The following DDB2 variants were observed in gnomAD, a reference collection of about 807,000 sequenced individuals.
DDB2 encodes the protein damage specific DNA binding protein 2.
A neutral mutation model predicts 50.5 loss-of-function variants in DDB2; 27 were observed. The ratio of observed to expected loss-of-function variants is 0.53; its 90% CI spans 0.39 to 0.74. DDB2 has a LOEUF of 0.74. Among genes scored for constraint, DDB2 ranks in the 30% least tolerant of loss-of-function variants. The pLI, the probability that DDB2 is intolerant of heterozygous loss-of-function variation, is 0.00. For synonymous variants in DDB2, 176 were observed against 205.5 expected (o/e 0.86, Z 1.23); for missense variants, 424 against 545.6 (o/e 0.78, Z 2.22).
Position 47,238,841 on chromosome 11 carries a change from C to G in DDB2, c.1276C>G (p.Arg426Gly). ...CTGGAGCCAGGAGGAAGCCAGGACA[C>G]GGAAGTGAGAGACACTAAAGAAGGT... is the stretch of plus-strand genomic sequence containing the variant. ...LIWSQEEART[R>G]K is the part of the protein sequence containing the mutation. The change falls in exon 10 of 10, where the codon CGG becomes GGG. Residue 426 changes from arginine (R) to glycine (G), a missense_variant. By Grantham distance (125) the Arg-to-Gly change is moderately radical. Coordinates refer to ENST00000256996, the MANE Select transcript of DDB2 (RefSeq NM_000107.3). 1 of 1,613,398 alleles carries G rather than the reference C, an allele frequency of 6.2e-7. No individual in the cohort carries two copies. Among genetic ancestry groups the G allele is most frequent in the Non-Finnish European group, 8.5e-7 (1 of 1,179,876 alleles).
chr11:47,238,858 A>G lies in DDB2; in HGVS notation c.*9A>G, dbSNP rs1387936136. On this transcript the variant is annotated 3_prime_UTR_variant, in exon 10 of 10. Coordinates refer to ENST00000256996, the MANE Select transcript of DDB2 (RefSeq NM_000107.3). ...CCAGGACACGGAAGTGAGAGACACT[A>G]AAGAAGGTGTGGGCCAGACAAGGCC... The G allele has an allele frequency of 6.2e-7, 1 of 1,613,002 alleles. No homozygotes were observed. The highest frequency in any genetic ancestry group is 1.3e-5 in the African/African-American group (1 of 74,808).
At chr11:47,232,790 T>G (rs372523541) in intron 3 of DDB2, 24 bp from the exon 4 acceptor site, 3 of 1,612,776 alleles carry the variant, frequency 1.9e-6, no homozygotes, top group African/African-American at 1.3e-5. Flanking sequence ...CATCACTCAC[T>G]GGCTTTTTCC....
intron 3 of DDB2, among the ~76,000 whole-genome samples, chr11:47,227,099 C>CTTTT (rs34243882): frequency 0.033 from 1,070 of 32,140 alleles, 151 homozygotes; most frequent in Non-Finnish European, 0.038. Flanking sequence ...GGATATTAAC[C>CTTTT]TTTTTTTTTT....
Position 47,215,015 on chromosome 11 carries a change from T to C in DDB2, c.-122T>C. On this transcript the variant is annotated 5_prime_UTR_variant, in exon 1 of 10. An upstream open reading frame in the 5' UTR loses its in-frame stop. Transcript: ENST00000256996. Reference sequence around the variant, plus strand: ...GGGCATGTTTGGCGGGAAGTTGGCTTAGCTCGGCTACCTGTGGCCCCGCAG... The same window carrying C: ...GGGCATGTTTGGCGGGAAGTTGGCTCAGCTCGGCTACCTGTGGCCCCGCAG... The C allele has an allele frequency of 6.8e-7, 1 of 1,479,050 alleles. No homozygotes were observed. 91.6% of individuals were successfully genotyped at this position (1,479,050 alleles called of 1,614,324 possible).
Position 47,215,067 on chromosome 11 carries a change from C to G in DDB2, c.-70C>G. 6.2e-7 allele frequency: 1 copy of G among 1,611,462 alleles called. No individual in the cohort carries two copies. The highest frequency in any genetic ancestry group is 8.5e-7 in the Non-Finnish European group (1 of 1,178,294). ...TTTGTAGTCCCCGCCTTGTTTCTCC[C>G]CAGAGGCCTCTCAATCCTCCCTCCA... On this transcript the variant is annotated 5_prime_UTR_variant, in exon 1 of 10. Transcript: ENST00000256996.
chr11:47,224,799 TC>T (rs1953533915), intron 3 of DDB2, among the ~76,000 whole-genome samples: 1 of 151,936 alleles, frequency 6.6e-6, no homozygotes, highest in Non-Finnish European at 1.5e-5. Flanking sequence ...CTCTTCTCTT[TC>T]TTGCCTGTGC....
chr11:47,217,017 G>T lies in DDB2; in HGVS notation c.424G>T (p.Gly142Cys). 6.2e-7 allele frequency: 1 copy of T among 1,614,082 alleles called. No individual in the cohort carries two copies. Among genetic ancestry groups the T allele is most frequent in the South Asian group, 1.1e-5 (1 of 91,074 alleles). The change falls in exon 3 of 10, where the codon GGC becomes TGC. Residue 142 changes from glycine to cysteine, a missense_variant. By Grantham distance (159) the Gly-to-Cys change is radical. Coordinates refer to ENST00000256996, the MANE Select transcript of DDB2 (RefSeq NM_000107.3). ...GGGAGATATCATGCTCTGGAATTTT[G>T]GCATCAAGGACAAACCCACCTTCAT... ...KGGDIMLWNF[G>C]IKDKPTFIKG...
intron 3 of DDB2, among the ~76,000 whole-genome samples, chr11:47,224,780 C>T (rs1447142080): frequency 6.9e-6 from 1 of 144,708 alleles, no homozygotes; most frequent in Non-Finnish European, 1.5e-5. Context: ...TTCTCTTCCT[C>T]TTCCTTTTCT....
At chr11:47,231,119 CAA>C (rs139290057) in intron 3 of DDB2, among the ~76,000 whole-genome samples, 7,714 of 57,718 alleles carry the variant, frequency 0.13, 100 homozygotes, top group South Asian at 0.2. Context: ...GCCTTCATCT[CAA>C]AAAAAAAAAA....
intron 4 of DDB2, chr11:47,233,581 C>T (rs954141503): frequency 3.4e-4 from 53 of 157,614 alleles, no homozygotes; most frequent in Admixed American, 1.8e-4. Flanking sequence ...GGTGGTAGGC[C>T]CCTGTAATTC....
At chr11:47,238,054 C>G in intron 8 of DDB2, 53 bp downstream of exon 8, 1 of 1,613,130 alleles carries the variant, frequency 6.2e-7, no homozygotes. Flanking sequence ...TTCAACCTAC[C>G]TTATTGACCA....
At chr11:47,230,624 A>T (rs1374237761) in intron 3 of DDB2, among the ~76,000 whole-genome samples, 1 of 152,192 alleles carries the variant, frequency 6.6e-6, no homozygotes, top group Non-Finnish European at 1.5e-5. Context: ...GACCATGAGC[A>T]TTAGAATGAC....
rs554393001 is a variant in DDB2, at chr11:47,239,136, T to G, written c.*287T>G. 128 of 461,796 alleles carry G rather than the reference T, an allele frequency of 2.8e-4. 1 individual carries two copies. The highest frequency in any genetic ancestry group is 1.1e-3 in the Admixed American group (32 of 28,846). 28.6% of individuals were successfully genotyped at this position (461,796 alleles called of 1,614,324 possible). A position where few individuals can be genotyped will look rare whatever the true frequency, so the allele number is the denominator to read the frequency against. On this transcript the variant is annotated 3_prime_UTR_variant, in exon 10 of 10. Transcript: ENST00000256996. ...TTGGAACTAAATGACTTTTCTCCTC[T>G]CAGTGGGTGGTAGCAGAGGGATCAA...
chr11:47,226,971 AT>A (rs199659792), intron 3 of DDB2, among the ~76,000 whole-genome samples: 36 of 149,676 alleles, frequency 2.4e-4, no homozygotes, highest in African/African-American at 7.4e-4. Flanking sequence ...TTAAAAAAAA[AT>A]TTTTTTTTAT....
intron 3 of DDB2, among the ~76,000 whole-genome samples, chr11:47,228,507 G>C (rs1409216245): frequency 6.6e-6 from 1 of 151,454 alleles, no homozygotes; most frequent in Non-Finnish European, 1.5e-5. Context: ...GCCAAGCATG[G>C]TAGCAGGTAC....
At chr11:47,217,248 C>T (rs1590988818) in intron 3 of DDB2, 199 bp downstream of exon 3, 3 of 482,224 alleles carry the variant, frequency 6.2e-6, no homozygotes, top group Non-Finnish European at 1.2e-5. Context: ...TGGTGGCAGG[C>T]GCCTATAATC....
intron 3 of DDB2, chr11:47,229,716 A>G: frequency 5.3e-6 from 2 of 376,474 alleles, no homozygotes; most frequent in South Asian, 2.0e-5. Context: ...CAGTATACAA[A>G]GTAAGACAGT....
intron 3 of DDB2, among the ~76,000 whole-genome samples, chr11:47,229,057 C>T (rs763784227): frequency 6.8e-6 from 1 of 147,566 alleles, no homozygotes; most frequent in South Asian, 2.1e-4. Flanking sequence ...CCTTCCTGAA[C>T]AGTTCAAACC....
At chr11:47,233,028 T>C in intron 4 of DDB2, 69 bp downstream of exon 4, 2 of 1,558,952 alleles carry the variant, frequency 1.3e-6, no homozygotes, top group Middle Eastern at 1.7e-4. Flanking sequence ...AGCATCCAGA[T>C]CCCATTTCCT....
Sources: gnomAD v4.1 joint callset for allele counts (sites outside exome capture counted in the v4.1 genomes callset) on GRCh38, gnomAD v4.1.1 for gene constraint, MANE v1.5 for transcripts, NCBI Gene and HGNC (gene_info 2026-07-23, HGNC 2026-07-21) for gene names.